The following IL23R variants were observed in gnomAD, a reference collection of about 807,000 sequenced individuals.
IL23R encodes the protein interleukin-23 receptor.
IL23R carries 34 observed loss-of-function variants against 56.9 expected under a neutral mutation model. The observed-to-expected ratio is 0.60, with a 90% confidence interval of 0.45 to 0.80. The LOEUF (loss-of-function observed/expected upper bound fraction) is 0.80, where lower values mean the gene tolerates loss of function less well. Ranked by LOEUF, IL23R falls within the 30% of genes least tolerant of loss-of-function variation. IL23R has a pLI of 0.00. For missense variants in IL23R, 635 were observed against 730.0 expected (o/e 0.87, Z 1.50); for synonymous variants, 230 against 249.2 (o/e 0.92, Z 0.73).
chr1:67,141,826 C>T (rs547323300), intron 1 of IL23R, among the ~76,000 whole-genome samples: 41 of 151,946 alleles, frequency 2.7e-4, no homozygotes, highest in Non-Finnish European at 5.0e-4. Context: ...CGGACCCAGT[C>T]GATTAACATC....
intron 1 of IL23R, among the ~76,000 whole-genome samples, chr1:67,148,993 G>A (rs1386884218): frequency 6.6e-6 from 1 of 152,150 alleles, no homozygotes; most frequent in Non-Finnish European, 1.5e-5. Flanking sequence ...CGTCAGATCC[G>A]TGAAAATGAA....
intron 3 of IL23R, among the ~76,000 whole-genome samples, chr1:67,171,159 G>A (rs1646938731): frequency 6.6e-6 from 1 of 152,122 alleles, no homozygotes; most frequent in South Asian, 2.1e-4. Context: ...GGTGGGAGTT[G>A]GGTAGAGAGA....
rs1018001269 is a variant in IL23R at position 67,148,563 on chromosome 1, A to G, written c.-634+9402A>G. Reference sequence around the variant, plus strand: ...CTCGTGTTTGAAGGTGGGTGTGGTCACCTTCCACAGCTAGGCTTAGGAATT... The same window carrying G: ...CTCGTGTTTGAAGGTGGGTGTGGTCGCCTTCCACAGCTAGGCTTAGGAATT... On this transcript the variant is annotated intron_variant, in intron 1 of 10. Transcript: ENST00000637002. Among the ~76,000 whole-genome samples, 3 of 152,268 alleles carry G rather than the reference A, an allele frequency of 2.0e-5. No individual in the cohort carries two copies. The South Asian group carries it at 6.2e-4, about 32-fold the overall frequency.
intron 1 of IL23R, 44 bp from the exon 2 acceptor site, chr1:67,168,048 A>G (rs2102553543): frequency 8.5e-6 from 9 of 1,064,172 alleles, no homozygotes; most frequent in South Asian, 6.5e-5. Context: ...TTATTATTTT[A>G]CTAAAATACT....
intron 5 of IL23R, among the ~76,000 whole-genome samples, chr1:67,202,707 G>A (rs1254953772): frequency 6.6e-6 from 1 of 152,118 alleles, no homozygotes; most frequent in Non-Finnish European, 1.5e-5. Flanking sequence ...GAGTAGCTGG[G>A]ACGACAGGCC....
At chr1:67,210,162 C>T (rs1371697518) in intron 6 of IL23R, among the ~76,000 whole-genome samples, 1 of 152,006 alleles carries the variant, frequency 6.6e-6, no homozygotes, top group Admixed American at 6.6e-5. Context: ...AAAAAGTGAA[C>T]GTCTAGAGAA....
intron 7 of IL23R, among the ~76,000 whole-genome samples, chr1:67,231,504 G>A (rs1486481988): frequency 6.6e-6 from 1 of 151,702 alleles, no homozygotes; most frequent in Non-Finnish European, 1.5e-5. Context: ...AGTCACTGAG[G>A]GGTTAAGCAA....
upstream of IL23R, among the ~76,000 whole-genome samples, chr1:67,165,067 A>G (rs1350031911): frequency 6.6e-6 from 1 of 151,872 alleles, no homozygotes; most frequent in Non-Finnish European, 1.5e-5. Context: ...AAATTAGCTG[A>G]GTGTGATGGC....
downstream of IL23R, among the ~76,000 whole-genome samples, chr1:67,263,136 AG>A (rs1182626281): frequency 8.6e-6 from 1 of 116,686 alleles, no homozygotes; most frequent in Non-Finnish European, 1.8e-5. Context: ...TTTTTTTAAC[AG>A]GTCACCCAGG....
At chr1:67,186,037 G>T (rs974410396) in intron 4 of IL23R, among the ~76,000 whole-genome samples, 2 of 152,180 alleles carry the variant, frequency 1.3e-5, no homozygotes, top group African/African-American at 4.8e-5. Flanking sequence ...TTCTAACAGG[G>T]ATTTCTCTGG....
chr1:67,204,585 A>G (rs1445228613), intron 5 of IL23R, among the ~76,000 whole-genome samples: 3 of 152,124 alleles, frequency 2.0e-5, no homozygotes, highest in Non-Finnish European at 4.4e-5. Context: ...CCTCAGAATA[A>G]TTCTTTTGCC....
intron 1 of IL23R, among the ~76,000 whole-genome samples, chr1:67,145,891 G>A (rs1646675253): frequency 6.6e-6 from 1 of 152,180 alleles, no homozygotes; most frequent in Non-Finnish European, 1.5e-5. Context: ...GAATGTGGCA[G>A]AAGTGATATT....
At chr1:67,244,302 G>T (rs1053207353) in intron 9 of IL23R, among the ~76,000 whole-genome samples, 2 of 152,104 alleles carry the variant, frequency 1.3e-5, no homozygotes, top group Non-Finnish European at 2.9e-5. Context: ...CTGTGCAGAA[G>T]CTCTTTAGTT....
chr1:67,210,134 C>T (rs992987197), intron 6 of IL23R, among the ~76,000 whole-genome samples: 1 of 151,942 alleles, frequency 6.6e-6, no homozygotes, highest in South Asian at 2.1e-4. Flanking sequence ...GATGATAATC[C>T]GAGTAAAAAT....
chr1:67,221,558 T>C lies in IL23R; in HGVS notation c.955+1828T>C, dbSNP rs146979835. 3.5e-4 allele frequency among the ~76,000 whole-genome samples: 53 copies of C among 152,264 alleles called. No individual in the cohort carries two copies. In the East Asian group the frequency reaches 9.2e-3, roughly 27 times the overall value. ...GCCATTCAATAACATCTTAGCCAAA[T>C]AGACTTCAGTTGAAGCACATAATAA... On this transcript the variant is annotated intron_variant, in intron 7 of 10. Transcript: ENST00000347310.
At chr1:67,214,073 G>A (rs1044701242) in intron 6 of IL23R, among the ~76,000 whole-genome samples, 3 of 152,230 alleles carry the variant, frequency 2.0e-5, no homozygotes, top group Admixed American at 2.0e-4. Context: ...CTGAGAGACT[G>A]AGGCAGGAAG....
intron 9 of IL23R, among the ~76,000 whole-genome samples, chr1:67,251,788 A>G (rs1652641557): frequency 6.6e-6 from 1 of 152,224 alleles, no homozygotes; most frequent in Admixed American, 6.5e-5. Flanking sequence ...AACTTTAGCT[A>G]CTGAGCTACA....
intron 9 of IL23R, among the ~76,000 whole-genome samples, chr1:67,244,339 G>A (rs980384911): frequency 2.0e-5 from 3 of 151,986 alleles, no homozygotes; most frequent in African/African-American, 7.3e-5. Context: ...GTCAATTTTG[G>A]CTTTTGTTGC....
chr1:67,220,840 G>A (rs560977839), intron 7 of IL23R, among the ~76,000 whole-genome samples: 1 of 152,312 alleles, frequency 6.6e-6, no homozygotes, highest in African/African-American at 2.4e-5. Flanking sequence ...CTGGGCTCAA[G>A]CAATCCTCCT....
Sources: gnomAD v4.1 joint callset for allele counts (sites outside exome capture counted in the v4.1 genomes callset) on GRCh38, gnomAD v4.1.1 for gene constraint, MANE v1.5 for transcripts, NCBI Gene and HGNC (gene_info 2026-07-23, HGNC 2026-07-21) for gene names.